Variants in CADM4 observed in about 807,000 individuals in gnomAD.
The protein encoded by CADM4 is TSLC1-like 2.
CADM4 carries 13 observed loss-of-function variants against 43.9 expected under a neutral mutation model. The ratio of observed to expected loss-of-function variants is 0.30; its 90% CI spans 0.19 to 0.47. The LOEUF (loss-of-function observed/expected upper bound fraction) is 0.47, where lower values mean the gene tolerates loss of function less well. Among genes scored for constraint, CADM4 ranks in the 20% least tolerant of loss-of-function variants. The pLI is 1.00. For missense variants in CADM4, 420 were observed against 527.0 expected (o/e 0.80, Z 1.99); for synonymous variants, 209 against 220.9 (o/e 0.95, Z 0.48).
chr19:43,640,643 C>A (rs1973763271), upstream of CADM4, among the ~76,000 whole-genome samples: 2 of 152,074 alleles, frequency 1.3e-5, no homozygotes, highest in Admixed American at 6.5e-5. Context: ...CCTGTGAACA[C>A]CTTCCAAGCC....
intron 1 of CADM4, among the ~76,000 whole-genome samples, chr19:43,635,828 C>T (rs1973695662): frequency 7.1e-6 from 1 of 141,008 alleles, no homozygotes; most frequent in Non-Finnish European, 1.5e-5. Flanking sequence ...ACCCCAGCCC[C>T]TCCTCCCTCA....
chr19:43,625,058 C>T lies in CADM4; in HGVS notation c.928+20G>A. 1 of 1,397,600 alleles carries T rather than the reference C, an allele frequency of 7.2e-7. No individual in the cohort carries two copies. Among genetic ancestry groups the T allele is most frequent in the East Asian group, 3.1e-5 (1 of 32,538 alleles). 86.6% of individuals were successfully genotyped at this position (1,397,600 alleles called of 1,614,324 possible). ...CTGGCGCCCCGCCCCCGCCCTCAGT[C>T]GGCCGCAGCCTGCTCTCACCGTAGA... On this transcript the variant is annotated intron_variant, in intron 7 of 8. Coordinates refer to ENST00000222374, the MANE Select transcript of CADM4 (RefSeq NM_145296.2). This position sits in a 1 kb window ranked among gnomAD's most constrained non-coding sequence, Gnocchi z 4.5.
intron 1 of CADM4, among the ~76,000 whole-genome samples, chr19:43,636,763 C>T: frequency 7.5e-6 from 1 of 133,082 alleles, no homozygotes; most frequent in Non-Finnish European, 1.6e-5. Flanking sequence ...GCTCTGGGGA[C>T]ACAGGCGCCT....
In CADM4 at chr19:43,627,956, A is replaced by T. The variant is rs939420979; in HGVS notation, c.65-166T>A. 6.6e-6 allele frequency among the ~76,000 whole-genome samples: 1 copy of T among 152,154 alleles called. No individual in the cohort carries two copies. Among genetic ancestry groups the T allele is most frequent in the East Asian group, 1.9e-4 (1 of 5,186 alleles). On this transcript the variant is annotated intron_variant, in intron 1 of 8. Transcript: ENST00000222374. This position sits in a 1 kb window ranked among gnomAD's most constrained non-coding sequence, Gnocchi z 4.0. The stretch of plus-strand genomic sequence containing the variant: ...GGCTAGAGTCCAGGACAGGGAGGAA[A>T]TCTGCTCCCTACTCTAAAAGAGCTG...
intron 1 of CADM4, among the ~76,000 whole-genome samples, chr19:43,636,165 C>G (rs1210391446): frequency 1.3e-5 from 2 of 152,132 alleles, no homozygotes; most frequent in East Asian, 3.9e-4. Flanking sequence ...CCCCTCCCAT[C>G]TGGGGACCTA....
At chr19:43,630,692 C>A (rs1221962281) in intron 1 of CADM4, among the ~76,000 whole-genome samples, 1 of 152,128 alleles carries the variant, frequency 6.6e-6, no homozygotes. Context: ...ATCTCTGATT[C>A]TGTATCCTGA....
chr19:43,636,407 G>A (rs1973704632), intron 1 of CADM4, among the ~76,000 whole-genome samples: 1 of 152,114 alleles, frequency 6.6e-6, no homozygotes, highest in African/African-American at 2.4e-5. Context: ...TCCACGCCCA[G>A]TGCCCTCTAT....
In CADM4 at chr19:43,623,443, A is replaced by AG. The variant is rs750837511; in HGVS notation, c.1058-5dup. ...GCTTCGTGGGTCAGATAGGAACCTG[A>AG]GGGGGTGACAGACCCCCGGGGCAGG... On this transcript the variant is annotated splice_region_variant and splice_polypyrimidine_tract_variant and intron_variant, in intron 8 of 8. Transcript: ENST00000222374. The surrounding 1 kb of genome is among the most constrained non-coding windows in gnomAD (Gnocchi z 4.4). 6.2e-7 allele frequency: 1 copy of AG among 1,601,668 alleles called. No individual in the cohort carries two copies. Among genetic ancestry groups the AG allele is most frequent in the East Asian group, 2.2e-5 (1 of 44,828 alleles).
At position 43,625,027 on chromosome 19, in the gene CADM4, CG is replaced by C; in HGVS notation, c.928+50del. 2.4e-6 allele frequency: 3 copies of C among 1,243,634 alleles called. No homozygotes were observed. The highest frequency in any genetic ancestry group is 3.3e-6 in the Non-Finnish European group (3 of 911,748). The allele number at this position is 1,243,634 out of a possible 1,614,324, so 77.0% of individuals were successfully genotyped here. On this transcript the variant is annotated intron_variant, in intron 7 of 8. Transcript: ENST00000222374. The surrounding 1 kb of genome is among the most constrained non-coding windows in gnomAD (Gnocchi z 4.5). ...GGCCTCTTTGCTCAAGCCCCGCCCC[CG>C]CCACCTGGCGCCCCGCCCCCGCCCT... is the stretch of plus-strand genomic sequence containing the variant.
In CADM4 at chr19:43,625,926, A is replaced by G; in HGVS notation, c.740T>C (p.Val247Ala). 6.2e-7 allele frequency: 1 copy of G among 1,614,104 alleles called. No individual in the cohort carries two copies. The highest frequency in any genetic ancestry group is 8.5e-7 in the Non-Finnish European group (1 of 1,179,994). ...EGDTLVLTCA[V>A]TGNPRPNQIR... ...CAGAGCTCACCTGGGGTTCCCCGTG[A>G]CAGCACACGTCAACACCAGCGTGTC... The change falls in exon 6 of 9, where the codon GTC becomes GCC. Residue 247 changes from valine to alanine, a missense_variant. Val to Ala is a moderately conservative substitution (Grantham distance 64, BLOSUM62 0). Transcript: ENST00000222374. The surrounding 1 kb of genome is among the most constrained non-coding windows in gnomAD (Gnocchi z 4.5).
rs766738681 is a variant in CADM4 at position 43,623,303 on chromosome 19, A to G, written c.*27T>C. On this transcript the variant is annotated 3_prime_UTR_variant, in exon 9 of 9. Coordinates refer to ENST00000222374, the MANE Select transcript of CADM4 (RefSeq NM_145296.2). This position sits in a 1 kb window ranked among gnomAD's most constrained non-coding sequence, Gnocchi z 4.4. ...GTGGGGGGGACCCCAGCCCAGGCCC[A>G]GGCCTAGGCCTGGGGTGGGGATAGG... is the stretch of plus-strand genomic sequence containing the variant. The G allele has an allele frequency of 3.2e-6, 5 of 1,572,200 alleles. No homozygotes were observed. In the African/African-American group the frequency reaches 5.4e-5, roughly 17 times the overall value.
Position 43,625,182 on chromosome 19 carries a change from G to A in CADM4, c.824C>T (p.Thr275Met), listed in dbSNP as rs747310720. Reference protein sequence around the residue: ...LPERAEAVGETLTLPGLVSAD... With the variant: ...LPERAEAVGEMLTLPGLVSAD... ...GGATACCAGACCCGGCAGCGTGAGC[G>A]TCTCTCCCACGGCCTCCGCCCTCTC... is the stretch of plus-strand genomic sequence containing the variant. The change falls in exon 7 of 9, where the codon ACG becomes ATG. Residue 275 changes from threonine (T) to methionine (M), a missense_variant. Thr to Met is a moderately conservative substitution (Grantham distance 81). Transcript: ENST00000222374. The surrounding 1 kb of genome is among the most constrained non-coding windows in gnomAD (Gnocchi z 4.5). The A allele has an allele frequency of 1.9e-6, 3 of 1,614,194 alleles. No homozygotes were observed. The highest frequency in any genetic ancestry group is 2.5e-6 in the Non-Finnish European group (3 of 1,180,022).
Position 43,626,307 on chromosome 19 carries a change from A to G in CADM4, c.500-19T>C, listed in dbSNP as rs200564477. Reference sequence around the variant, plus strand: ...CTCACTCCTGCCACACCCCGGTCAGACACTGTCAGGCCACAATTCCGGCTC... The same window carrying G: ...CTCACTCCTGCCACACCCCGGTCAGGCACTGTCAGGCCACAATTCCGGCTC... On this transcript the variant is annotated intron_variant, in intron 4 of 8. Coordinates refer to ENST00000222374, the MANE Select transcript of CADM4 (RefSeq NM_145296.2). The surrounding 1 kb of genome is among the most constrained non-coding windows in gnomAD (Gnocchi z 5.9). The G allele has an allele frequency of 3.1e-4, 500 of 1,606,612 alleles. 2 individuals carry two copies. The East Asian group carries it at 0.011, about 34-fold the overall frequency.
At position 43,627,663 on chromosome 19, in the gene CADM4, G is replaced by T. The variant is rs767337204; in HGVS notation, c.192C>A (p.Leu64=). The T allele has an allele frequency of 3.7e-6, 6 of 1,613,878 alleles. No individual in the cohort carries two copies. Among genetic ancestry groups the T allele is most frequent in the African/African-American group, 1.3e-5 (1 of 75,036 alleles). ...ACTCACCACGGGTGCCATTGAAGAA[G>T]AGGGTCTGCCGGGCTGGGTTCTGGA... ...VVIQNPARQT[L]FFNGTRALKD... Residue 64 remains leucine, a synonymous_variant, in exon 2 of 9, where the codon CTC becomes CTA. Transcript: ENST00000222374. This position sits in a 1 kb window ranked among gnomAD's most constrained non-coding sequence, Gnocchi z 4.0.
At chr19:43,633,092 GAGAC>G (rs1973651201) in intron 1 of CADM4, among the ~76,000 whole-genome samples, 1 of 138,624 alleles carries the variant, frequency 7.2e-6, no homozygotes, top group East Asian at 2.3e-4. Context: ...AAAAAAAAAA[GAGAC>G]AGGGTATTGC....
At chr19:43,633,071 CAA>C (rs1167707172) in intron 1 of CADM4, among the ~76,000 whole-genome samples, 22 of 56,980 alleles carry the variant, frequency 3.9e-4, no homozygotes, top group African/African-American at 9.1e-4. Flanking sequence ...GACTCTGTCT[CAA>C]AAAAAAAAAA....
intron 1 of CADM4, among the ~76,000 whole-genome samples, chr19:43,633,894 A>C (rs932840305): frequency 3.3e-5 from 5 of 151,582 alleles, no homozygotes; most frequent in African/African-American, 1.2e-4. Context: ...GGGGGTCTCA[A>C]TATCTTGCCC....
At position 43,627,298 on chromosome 19, in the gene CADM4, G is replaced by C. The variant is rs1277055911; in HGVS notation, c.232C>G (p.Gln78Glu). Residue 78 changes from glutamine to glutamate, a missense_variant, in exon 3 of 9, where the codon CAG becomes GAG. Gln to Glu is a conservative substitution (Grantham distance 29). Coordinates refer to ENST00000222374, the MANE Select transcript of CADM4 (RefSeq NM_145296.2). This position sits in a 1 kb window ranked among gnomAD's most constrained non-coding sequence, Gnocchi z 4.0. ...GTRALKDERF[Q>E]LEEFSPRRVR... is the part of the protein sequence containing the mutation. ...CGGCGTGGGGAGAACTCCTCAAGCTGGAAACGCTCATCCTTCAAGGCTAGA... is the reference window on the plus strand; with the variant it reads ...CGGCGTGGGGAGAACTCCTCAAGCTCGAAACGCTCATCCTTCAAGGCTAGA... 12 of 1,601,700 alleles carry C rather than the reference G, an allele frequency of 7.5e-6. No homozygotes were observed. Among genetic ancestry groups the C allele is most frequent in the Non-Finnish European group, 1.0e-5 (12 of 1,173,194 alleles).
At chr19:43,640,252 T>A (rs991606247), upstream of CADM4, among the ~76,000 whole-genome samples, 2 of 140,838 alleles carry the variant, frequency 1.4e-5, no homozygotes, top group Non-Finnish European at 3.1e-5. Flanking sequence ...CGTCGTGGGG[T>A]GCGGTGTGTG....
Sources: allele counts gnomAD v4.1 joint callset (sites outside exome capture counted in the v4.1 genomes callset), GRCh38; gene constraint gnomAD v4.1.1; non-coding constraint Gnocchi (gnomAD v3.1); transcripts MANE v1.5; gene names NCBI Gene and HGNC (gene_info 2026-07-23, HGNC 2026-07-21).